Variants in FBXO34 observed in about 807,000 individuals in gnomAD.
FBXO34 encodes F-box only protein 34.
A neutral mutation model predicts 24.5 loss-of-function variants in FBXO34; 12 were observed. That is an observed-to-expected ratio of 0.49 (90% CI 0.31 to 0.79). The LOEUF (loss-of-function observed/expected upper bound fraction) is 0.79. Among genes scored for constraint, FBXO34 ranks in the 30% least tolerant of loss-of-function variants. The pLI is 0.04. For missense variants in FBXO34, 823 were observed against 857.7 expected, an observed-to-expected ratio of 0.96 and a Z score of 0.51; for synonymous variants, 320 against 311.9, an observed-to-expected ratio of 1.03 and a Z score of -0.27.
chr14:55,299,010 AT>A lies in FBXO34; in HGVS notation c.-11+27475del, dbSNP rs941179349. ...TAAAGTTGATGAGTTAATGCAGGAC[AT>A]TGCTGACCAGCAAGAACTTGGGGAG... On this transcript the variant is annotated intron_variant, in intron 1 of 1. Coordinates refer to ENST00000313833, the MANE Select transcript of FBXO34 (RefSeq NM_017943.4). The A allele has an allele frequency of 4.4e-6, 7 of 1,609,132 alleles. No individual in the cohort carries two copies. The African/African-American group carries it at 9.4e-5, about 21-fold the overall frequency.
chr14:55,391,473 A>AAAAAAAAT, the FBXO34 span, among the ~76,000 whole-genome samples: 2 of 146,860 alleles, frequency 1.4e-5, no homozygotes, highest in Non-Finnish European at 3.0e-5. Flanking sequence ...AGACTCCATA[A>AAAAAAAAT]AAAAAAAAAA....
the FBXO34 span, among the ~76,000 whole-genome samples, chr14:55,407,496 C>T: frequency 6.6e-6 from 1 of 152,068 alleles, no homozygotes; most frequent in Admixed American, 6.5e-5. Flanking sequence ...CTCTCCTGGC[C>T]TCAAGTGATC....
intron 1 of FBXO34, among the ~76,000 whole-genome samples, chr14:55,281,012 C>G (rs1881522881): frequency 6.6e-6 from 1 of 152,022 alleles, no homozygotes; most frequent in Non-Finnish European, 1.5e-5. Flanking sequence ...TACGTTAACA[C>G]AATATATCCA....
chr14:55,402,390 C>T, the FBXO34 span, among the ~76,000 whole-genome samples: 2 of 152,008 alleles, frequency 1.3e-5, no homozygotes, highest in Admixed American at 6.6e-5. Context: ...AAAAAATATT[C>T]GACCTTTTGA....
chr14:55,378,131 A>ACATAG, the FBXO34 span: 1 of 1,477,310 alleles, frequency 6.8e-7, no homozygotes. Flanking sequence ...TTCTATGTTA[A>ACATAG]AATTTCCATT....
chr14:55,321,043 G>C (rs1883116322), intron 1 of FBXO34, among the ~76,000 whole-genome samples: 1 of 149,552 alleles, frequency 6.7e-6, no homozygotes, highest in Non-Finnish European at 1.5e-5. Context: ...TGGACACAGA[G>C]AAAATGACCA....
At chr14:55,324,695 G>A (rs1883282727) in intron 1 of FBXO34, among the ~76,000 whole-genome samples, 1 of 151,962 alleles carries the variant, frequency 6.6e-6, no homozygotes, top group African/African-American at 2.4e-5. Context: ...GCCATTGTGT[G>A]TATGCTATTT....
intron 1 of FBXO34, chr14:55,282,458 G>A (rs2139650222): frequency 8.2e-6 from 2 of 244,846 alleles, no homozygotes; most frequent in South Asian, 1.1e-4. Flanking sequence ...AGCATTATAA[G>A]AACTTTAAAT....
chr14:55,280,422 C>T (rs112900863), intron 1 of FBXO34, among the ~76,000 whole-genome samples: 8,831 of 151,676 alleles, frequency 0.058, 324 homozygotes, highest in South Asian at 0.09. Context: ...CTTTACATAG[C>T]GTTTACATTG....
chr14:55,430,563 C>G, the FBXO34 span, among the ~76,000 whole-genome samples: 1 of 152,164 alleles, frequency 6.6e-6, no homozygotes, highest in Non-Finnish European at 1.5e-5. Flanking sequence ...ACCACCACAC[C>G]TGCCTAAATT....
rs1026006756 is a variant in FBXO34 at position 55,350,699 on chromosome 14, A to C, written c.309A>C (p.Gly103=). Residue 103 remains glycine, a synonymous_variant, in exon 2 of 2, where the codon GGA becomes GGC. Coordinates refer to ENST00000313833, the MANE Select transcript of FBXO34 (RefSeq NM_017943.4). ...SATIHQGEEE[G]PLDIWAVVKP... Reference sequence around the variant, plus strand: ...CGATCCACCAGGGCGAAGAAGAAGGACCACTTGATATCTGGGCTGTTGTGA... The same window carrying C: ...CGATCCACCAGGGCGAAGAAGAAGGCCCACTTGATATCTGGGCTGTTGTGA... The C allele has an allele frequency of 6.2e-7, 1 of 1,613,654 alleles. No homozygotes were observed. Among genetic ancestry groups the C allele is most frequent in the Non-Finnish European group, 8.5e-7 (1 of 1,179,918 alleles).
intron 1 of FBXO34, among the ~76,000 whole-genome samples, chr14:55,303,322 T>C (rs1882428654): frequency 2.6e-5 from 4 of 152,216 alleles, no homozygotes; most frequent in Admixed American, 2.6e-4. Context: ...AGTAATCTAA[T>C]CCTCATCACA....
At chr14:55,321,969 A>G (rs1001138666) in intron 1 of FBXO34, among the ~76,000 whole-genome samples, 1 of 152,218 alleles carries the variant, frequency 6.6e-6, no homozygotes, top group African/African-American at 2.4e-5. Flanking sequence ...CCACATTGAA[A>G]TAGCTGCAAA....
intron 1 of FBXO34, among the ~76,000 whole-genome samples, chr14:55,286,906 C>CTT (rs34073592): frequency 2.7e-4 from 34 of 125,370 alleles, no homozygotes; most frequent in Non-Finnish European, 3.4e-4. Flanking sequence ...GTTTCATTTA[C>CTT]TTTTTTTTTT....
chr14:55,371,020 T>G (rs1431104206), downstream of FBXO34, among the ~76,000 whole-genome samples: 1 of 152,144 alleles, frequency 6.6e-6, no homozygotes, highest in East Asian at 1.9e-4. Context: ...ATGTCCTCCC[T>G]GTAGGCAGCC....
chr14:55,283,976 C>CTG (rs944505119), intron 1 of FBXO34, among the ~76,000 whole-genome samples: 5 of 108,766 alleles, frequency 4.6e-5, no homozygotes, highest in South Asian at 6.1e-4. Flanking sequence ...GTGTGTGTGT[C>CTG]TGTGTGTGTG....
chr14:55,364,727 CTTT>C (rs534426436), downstream of FBXO34, among the ~76,000 whole-genome samples: 4 of 130,038 alleles, frequency 3.1e-5, no homozygotes, highest in Non-Finnish European at 4.8e-5. Flanking sequence ...CAGTGCCCAA[CTTT>C]TTTTTTTTTT....
intron 1 of FBXO34, among the ~76,000 whole-genome samples, chr14:55,310,622 T>C (rs1481445651): frequency 2.0e-5 from 3 of 152,198 alleles, no homozygotes; most frequent in Non-Finnish European, 2.9e-5. Flanking sequence ...CATGCCTGCC[T>C]GCCTGCCTGC....
intron 1 of FBXO34, among the ~76,000 whole-genome samples, chr14:55,316,820 C>CA (rs1281481329): frequency 2.0e-5 from 3 of 151,954 alleles, no homozygotes; most frequent in Non-Finnish European, 4.4e-5. Context: ...CATGACTGGC[C>CA]AAGTCACACG....
Sources: gnomAD v4.1 joint callset for allele counts (sites outside exome capture counted in the v4.1 genomes callset) on GRCh38, gnomAD v4.1.1 for gene constraint, MANE v1.5 for transcripts, NCBI Gene and HGNC (gene_info 2026-07-23, HGNC 2026-07-21) for gene names.